XXYLT1: variants seen among roughly 807,000 people sequenced by gnomAD.
The protein encoded by XXYLT1 is xyloside xylosyltransferase 1.
XXYLT1 carries 20 observed loss-of-function variants against 28.9 expected under a neutral mutation model. That is an observed-to-expected ratio of 0.69 (90% confidence interval 0.49 to 1.00). The LOEUF is 1.00. XXYLT1 is among the 50% of genes least tolerant of loss of function. XXYLT1 has a pLI of 0.00. For missense variants in XXYLT1, 542 were observed against 560.1 expected (o/e 0.97, Z 0.33); for synonymous variants, 257 against 253.8 (o/e 1.01, Z -0.12).
In XXYLT1 at chr3:195,255,046, TC is replaced by T. The variant is rs1725426432; in HGVS notation, c.504+15508del. On this transcript the variant is annotated intron_variant, in intron 1 of 3. Coordinates refer to ENST00000310380, the MANE Select transcript of XXYLT1 (RefSeq NM_152531.5). This position sits in a 1 kb window ranked among gnomAD's most constrained non-coding sequence, Gnocchi z 4.5. ...AGAAAGAAGTCAGACTCGGACCCTG[TC>T]CCCAACTGCCCCAGGCTGGGAAATT... 6.6e-6 allele frequency among the ~76,000 whole-genome samples: 1 copy of T among 151,840 alleles called. No individual in the cohort carries two copies. The highest frequency in any genetic ancestry group is 2.1e-4 in the South Asian group (1 of 4,798).
intron 2 of XXYLT1, among the ~76,000 whole-genome samples, chr3:195,223,638 C>G (rs779947363): frequency 6.6e-6 from 1 of 152,086 alleles, no homozygotes; most frequent in African/African-American, 2.4e-5. Context: ...CAAGACAGCA[C>G]GAATGATGTC....
intron 3 of XXYLT1, among the ~76,000 whole-genome samples, chr3:195,100,502 T>C (rs1272751786): frequency 2.6e-5 from 4 of 152,080 alleles, no homozygotes; most frequent in South Asian, 2.1e-4. Flanking sequence ...TCAGTGCCTA[T>C]AGAATTAACG....
chr3:195,221,925 G>T (rs1269503865), intron 2 of XXYLT1, among the ~76,000 whole-genome samples: 2 of 152,162 alleles, frequency 1.3e-5, no homozygotes, highest in Non-Finnish European at 2.9e-5. Flanking sequence ...CAACAAGCAA[G>T]GAAGAGAAAA....
chr3:195,205,701 A>G (rs1192978187), intron 2 of XXYLT1, among the ~76,000 whole-genome samples: 18 of 152,178 alleles, frequency 1.2e-4, no homozygotes. Flanking sequence ...TGTCTCTACT[A>G]AAAATACAAA....
rs755411864 is a variant in XXYLT1, at chr3:195,226,827, C to T, written c.534G>A (p.Thr178=). 20 of 1,613,600 alleles carry T rather than the reference C, an allele frequency of 1.2e-5. No individual in the cohort carries two copies. Among genetic ancestry groups the T allele is most frequent in the East Asian group, 4.5e-5 (2 of 44,858 alleles). ...KVIFHDVAVL[T]DKLFPIVEAM... is the part of the protein sequence containing the mutation. ...CCTCCACGATGGGGAAGAGCTTATC[C>T]GTCAGCACAGCAACATCGTGGAAGA... The change falls in exon 2 of 4, where the codon ACG becomes ACA. Residue 178 remains threonine (T), a synonymous_variant. Transcript: ENST00000310380.
At chr3:195,070,236 T>C in intron 3 of XXYLT1, 125 bp from the exon 4 acceptor site, 1 of 1,267,806 alleles carries the variant, frequency 7.9e-7, no homozygotes, top group Non-Finnish European at 1.1e-6. Flanking sequence ...AGAATCCGCA[T>C]CACTACACCA....
chr3:195,110,548 G>GTA (rs1468343250), intron 3 of XXYLT1, among the ~76,000 whole-genome samples: 3 of 56,128 alleles, frequency 5.3e-5, no homozygotes, highest in East Asian at 1.2e-3. Context: ...TGTGTGTGGT[G>GTA]TGTGTGTGGT....
chr3:195,208,427 G>A (rs932854251), intron 2 of XXYLT1, among the ~76,000 whole-genome samples: 11 of 152,106 alleles, frequency 7.2e-5, no homozygotes, highest in Non-Finnish European at 4.4e-5. Context: ...CCAGCTGGCT[G>A]CGTGTGGCAC....
Position 195,150,945 on chromosome 3 carries a change from C to T in XXYLT1, c.785+5504G>A, listed in dbSNP as rs940031958. On this transcript the variant is annotated intron_variant, in intron 3 of 3. Coordinates refer to ENST00000310380, the MANE Select transcript of XXYLT1 (RefSeq NM_152531.5). This position sits in a 1 kb window ranked among gnomAD's most constrained non-coding sequence, Gnocchi z 4.7. Reference sequence around the variant, plus strand: ...AGGAGCCCTGAAGCCTGAAGCCAAGCCATGACCAGGCCTCCTGGTCCCAGT... The same window carrying T: ...AGGAGCCCTGAAGCCTGAAGCCAAGTCATGACCAGGCCTCCTGGTCCCAGT... Among the ~76,000 whole-genome samples, 1 of 151,908 alleles carries T rather than the reference C, an allele frequency of 6.6e-6. No individual in the cohort carries two copies. The highest frequency in any genetic ancestry group is 2.1e-4 in the South Asian group (1 of 4,814).
At chr3:195,166,672 A>AT (rs201407714) in intron 2 of XXYLT1, among the ~76,000 whole-genome samples, 119 of 146,106 alleles carry the variant, frequency 8.1e-4, no homozygotes, top group South Asian at 1.5e-3. Context: ...AATATGGGCC[A>AT]TTTTTTTTTT....
intron 2 of XXYLT1, among the ~76,000 whole-genome samples, chr3:195,167,427 C>A (rs768557268): frequency 3.9e-5 from 6 of 152,102 alleles, no homozygotes; most frequent in Non-Finnish European, 7.4e-5. Context: ...CCCATCTCTA[C>A]TAAAAATACA....
intron 3 of XXYLT1, among the ~76,000 whole-genome samples, chr3:195,080,255 G>A (rs1212352820): frequency 1.3e-5 from 2 of 152,202 alleles, no homozygotes; most frequent in African/African-American, 4.8e-5. Flanking sequence ...GGCCCAGATG[G>A]TGACCTGACC....
intron 1 of XXYLT1, among the ~76,000 whole-genome samples, chr3:195,242,007 G>A (rs993523647): frequency 3.3e-5 from 5 of 152,200 alleles, no homozygotes; most frequent in Admixed American, 6.5e-5. Context: ...CCATGAGGGC[G>A]GGACCTTGTC....
At chr3:195,197,386 A>C (rs1225546199) in intron 2 of XXYLT1, among the ~76,000 whole-genome samples, 1 of 151,842 alleles carries the variant, frequency 6.6e-6, no homozygotes, top group Admixed American at 6.6e-5. Flanking sequence ...GCAGTGAGCC[A>C]AGATCGCGCC....
At position 195,115,443 on chromosome 3, in the gene XXYLT1, C is replaced by G. The variant is rs1211882586; in HGVS notation, c.785+41006G>C. 6.6e-6 allele frequency among the ~76,000 whole-genome samples: 1 copy of G among 152,314 alleles called. No homozygotes were observed. Among genetic ancestry groups the G allele is most frequent in the South Asian group, 2.1e-4 (1 of 4,820 alleles). ...GTCCTTCAAAAGGCCCAGCCGGAAA[C>G]CTGCCCCTTGAGCCCCTCCAACAAT... On this transcript the variant is annotated intron_variant, in intron 3 of 3. Transcript: ENST00000310380. This position sits in a 1 kb window ranked among gnomAD's most constrained non-coding sequence, Gnocchi z 4.2.
At chr3:195,202,126 G>T (rs568966463) in intron 2 of XXYLT1, among the ~76,000 whole-genome samples, 1 of 152,074 alleles carries the variant, frequency 6.6e-6, no homozygotes, top group Non-Finnish European at 1.5e-5. Flanking sequence ...GCAGTGAGCC[G>T]AGATCGTGCC....
At chr3:195,104,947 A>G (rs1053081065) in intron 3 of XXYLT1, among the ~76,000 whole-genome samples, 1 of 152,238 alleles carries the variant, frequency 6.6e-6, no homozygotes, top group Non-Finnish European at 1.5e-5. Flanking sequence ...CTTTGGGTAC[A>G]TGGTCAAAAC....
rs541369656 is a variant in XXYLT1, at chr3:195,135,926, T to C, written c.785+20523A>G. Among the ~76,000 whole-genome samples the C allele has an allele frequency of 6.7e-4, 102 of 152,096 alleles. 1 individual carries two copies. The highest frequency in any genetic ancestry group is 1.2e-3 in the Non-Finnish European group (85 of 68,022). On this transcript the variant is annotated intron_variant, in intron 3 of 3. Coordinates refer to ENST00000310380, the MANE Select transcript of XXYLT1 (RefSeq NM_152531.5). Reference sequence around the variant, plus strand: ...TGCAGACATAAAAAAGTGAAACCCATGCCCTCTGATAATGACCAACATTCC... The same window carrying C: ...TGCAGACATAAAAAAGTGAAACCCACGCCCTCTGATAATGACCAACATTCC...
chr3:195,160,580 A>C (rs1298911224), intron 2 of XXYLT1, among the ~76,000 whole-genome samples: 1 of 152,192 alleles, frequency 6.6e-6, no homozygotes, highest in Non-Finnish European at 1.5e-5. Context: ...CTGCCTTATC[A>C]TACTCTGGTG....
Sources: allele counts gnomAD v4.1 joint callset (sites outside exome capture counted in the v4.1 genomes callset), GRCh38; gene constraint gnomAD v4.1.1; non-coding constraint Gnocchi (gnomAD v3.1); transcripts MANE v1.5; gene names NCBI Gene and HGNC (gene_info 2026-07-23, HGNC 2026-07-21).